CYP19A1: variants seen among roughly 807,000 people sequenced by gnomAD.
CYP19A1 encodes the protein cytochrome P450 family 19 subfamily A member 1.
In CYP19A1, 32 loss-of-function variants were observed where a neutral mutation model predicts 44.4. That is an observed-to-expected ratio of 0.72 (90% CI 0.54 to 0.97). The LOEUF (loss-of-function observed/expected upper bound fraction) is 0.97. Ranked by LOEUF, CYP19A1 falls within the 50% of genes least tolerant of loss-of-function variation. The pLI, the probability that CYP19A1 is intolerant of heterozygous loss-of-function variation, is 0.00. For synonymous variants in CYP19A1, 212 were observed against 215.6 expected, an observed-to-expected ratio of 0.98 and a Z score of 0.14; for missense variants, 598 against 637.8, an observed-to-expected ratio of 0.94 and a Z score of 0.67.
intron 1 of CYP19A1, among the ~76,000 whole-genome samples, chr15:51,286,435 G>A (rs968773769): frequency 3.3e-5 from 5 of 152,184 alleles, no homozygotes; most frequent in African/African-American, 1.2e-4. Flanking sequence ...TGTTTCGTTT[G>A]TTTGTTCTTT....
intron 1 of CYP19A1, among the ~76,000 whole-genome samples, chr15:51,284,088 T>G (rs2035619474): frequency 6.6e-6 from 1 of 152,162 alleles, no homozygotes; most frequent in Non-Finnish European, 1.5e-5. Context: ...TAGTTATTAG[T>G]TCCTCAACTC....
intron 1 of CYP19A1, among the ~76,000 whole-genome samples, chr15:51,329,774 T>C (rs1228020416): frequency 6.6e-6 from 1 of 152,240 alleles, no homozygotes. Flanking sequence ...ATCTACTACA[T>C]GCCAGGTATG....
intron 1 of CYP19A1, among the ~76,000 whole-genome samples, chr15:51,317,072 A>C (rs1415939461): frequency 6.6e-6 from 1 of 150,464 alleles, no homozygotes; most frequent in African/African-American, 2.4e-5. Context: ...CCCTCCTTTT[A>C]GGATTCTTTT....
intron 2 of CYP19A1, among the ~76,000 whole-genome samples, chr15:51,242,552 G>C (rs1403140933): frequency 1.3e-5 from 2 of 151,966 alleles, no homozygotes; most frequent in South Asian, 2.1e-4. Flanking sequence ...AGAGTGGAAG[G>C]GTTTATCTAA....
chr15:51,322,690 A>G (rs1264350925), intron 1 of CYP19A1, among the ~76,000 whole-genome samples: 2 of 151,836 alleles, frequency 1.3e-5, no homozygotes, highest in Admixed American at 1.3e-4. Context: ...CCGCTTCCCC[A>G]CTAGGATTTT....
chr15:51,218,196 G>C (rs942015797), intron 6 of CYP19A1, among the ~76,000 whole-genome samples: 1 of 152,102 alleles, frequency 6.6e-6, no homozygotes, highest in African/African-American at 2.4e-5. Flanking sequence ...CAGTTTTTTA[G>C]TTGTGCAAAG....
chr15:51,326,258 C>T (rs1478323746), intron 1 of CYP19A1, among the ~76,000 whole-genome samples: 1 of 152,182 alleles, frequency 6.6e-6, no homozygotes, highest in Non-Finnish European at 1.5e-5. Flanking sequence ...CAGCTTAATG[C>T]ACAGTTTACC....
At chr15:51,223,187 A>G (rs185440816) in intron 4 of CYP19A1, among the ~76,000 whole-genome samples, 54 of 152,264 alleles carry the variant, frequency 3.5e-4, no homozygotes, top group Non-Finnish European at 5.9e-4. Context: ...AAGGACAGTG[A>G]CAGCCACTCA....
chr15:51,294,415 A>C (rs1375056138), intron 1 of CYP19A1, among the ~76,000 whole-genome samples: 1 of 144,166 alleles, frequency 6.9e-6, no homozygotes, highest in Admixed American at 6.8e-5. Context: ...CCGTCTGAGA[A>C]GTGAGGAGAC....
chr15:51,317,040 C>A (rs1354113548), intron 1 of CYP19A1, among the ~76,000 whole-genome samples: 1 of 151,956 alleles, frequency 6.6e-6, no homozygotes, highest in Non-Finnish European at 1.5e-5. Context: ...ACACAAGGAG[C>A]CACCTTCCCA....
chr15:51,211,750 A>C, intron 9 of CYP19A1: 1 of 401,006 alleles, frequency 2.5e-6, no homozygotes, highest in African/African-American at 2.1e-5. Context: ...ATATTGCCTA[A>C]AATTTGACAT....
At chr15:51,263,296 C>T (rs1438474192) in intron 1 of CYP19A1, among the ~76,000 whole-genome samples, 5 of 152,172 alleles carry the variant, frequency 3.3e-5, no homozygotes, top group Non-Finnish European at 7.3e-5. Context: ...CAGATGCAGG[C>T]AGAACATTGA....
intron 1 of CYP19A1, among the ~76,000 whole-genome samples, chr15:51,332,736 G>A (rs1259506736): frequency 6.6e-6 from 1 of 152,154 alleles, no homozygotes; most frequent in Non-Finnish European, 1.5e-5. Flanking sequence ...CTTGCTACAG[G>A]ATTCTTGGTG....
chr15:51,238,711 G>A (rs1256076177), intron 2 of CYP19A1, among the ~76,000 whole-genome samples: 1 of 152,158 alleles, frequency 6.6e-6, no homozygotes. Flanking sequence ...CTGTGACGCA[G>A]GAGAGATATA....
intron 2 of CYP19A1, among the ~76,000 whole-genome samples, 162 bp from the exon 3 acceptor site, chr15:51,237,171 C>G (rs1371646136): frequency 2.9e-5 from 4 of 137,510 alleles, no homozygotes; most frequent in Non-Finnish European, 6.6e-5. Context: ...CAAAACAAAA[C>G]AAAAGCCTCA....
At chr15:51,258,239 G>A (rs1490982821) in intron 1 of CYP19A1, among the ~76,000 whole-genome samples, 1 of 152,156 alleles carries the variant, frequency 6.6e-6, no homozygotes, top group Non-Finnish European at 1.5e-5. Flanking sequence ...CTGGGATGCT[G>A]CCAGTGGCTG....
At chr15:51,337,827 C>T (rs982341126) in intron 1 of CYP19A1, 1 of 152,308 alleles carries the variant, frequency 6.6e-6, no homozygotes, top group Non-Finnish European at 1.5e-5. Context: ...CCTTGTAGGC[C>T]ATATCAACAT....
intron 1 of CYP19A1, among the ~76,000 whole-genome samples, chr15:51,258,724 T>C (rs903531736): frequency 3.5e-4 from 54 of 152,242 alleles, no homozygotes; most frequent in African/African-American, 1.3e-3. Flanking sequence ...GTGTACGATA[T>C]GTACCTATTG....
chr15:51,278,702 G>T (rs1309639756), intron 1 of CYP19A1, among the ~76,000 whole-genome samples: 5 of 152,170 alleles, frequency 3.3e-5, no homozygotes, highest in Non-Finnish European at 7.3e-5. Flanking sequence ...TGGGGTTCAG[G>T]GGGTGCTTGG....
Sources: gnomAD v4.1 joint callset for allele counts (sites outside exome capture counted in the v4.1 genomes callset) on GRCh38, gnomAD v4.1.1 for gene constraint, MANE v1.5 for transcripts, NCBI Gene and HGNC (gene_info 2026-07-23, HGNC 2026-07-21) for gene names.